OR3A2: variants seen among roughly 807,000 people sequenced by gnomAD.
OR3A2 encodes olfactory receptor family 3 subfamily A member 2, also known as olfactory receptor 3A2.
For synonymous variants in OR3A2, 126 were observed against 159.3 expected, an observed-to-expected ratio of 0.79 and a Z score of 1.57; for missense variants, 318 against 392.8, an observed-to-expected ratio of 0.81 and a Z score of 1.61.
chr17:3,280,417 G>A (rs549053161), intron 1 of OR3A2, among the ~76,000 whole-genome samples: 44 of 151,900 alleles, frequency 2.9e-4, no homozygotes, highest in Non-Finnish European at 4.9e-4. Flanking sequence ...GACTACAGGC[G>A]CCCACCACCA....
intron 2 of OR3A2, among the ~76,000 whole-genome samples, chr17:3,378,620 G>A (rs1359330521): frequency 2.6e-5 from 4 of 152,104 alleles, no homozygotes; most frequent in East Asian, 3.9e-4. Context: ...CACCGAGCAC[G>A]CAGCCCTGGC....
At chr17:3,340,437 A>G (rs2049307367) in intron 2 of OR3A2, among the ~76,000 whole-genome samples, 1 of 152,112 alleles carries the variant, frequency 6.6e-6, no homozygotes, top group Non-Finnish European at 1.5e-5. Flanking sequence ...ACACTGCTTT[A>G]AATGTGTCCC....
In OR3A2 at chr17:3,373,691, C is replaced by T. The variant is rs1183284730; in HGVS notation, c.-179+10113G>A. The stretch of plus-strand genomic sequence containing the variant: ...CCTTAAGTTTCCATGAGTCCTTATG[C>T]GTTAGGTGAGCCTCTTGAAGACAGA... On this transcript the variant is annotated intron_variant, in intron 2 of 4. Coordinates refer to the OR3A2 transcript ENST00000573491. 2.6e-5 allele frequency among the ~76,000 whole-genome samples: 4 copies of T among 151,998 alleles called. No homozygotes were observed. In the South Asian group the frequency reaches 6.2e-4, roughly 24 times the overall value.
chr17:3,379,436 A>G (rs2049714668), intron 2 of OR3A2, among the ~76,000 whole-genome samples: 1 of 152,128 alleles, frequency 6.6e-6, no homozygotes, highest in Admixed American at 6.5e-5. Flanking sequence ...GAGAGCGCCA[A>G]CCCTGAAGTC....
intron 2 of OR3A2, chr17:3,377,493 G>A (rs1199938831): frequency 6.6e-6 from 1 of 152,170 alleles, no homozygotes; most frequent in Non-Finnish European, 1.5e-5. Context: ...ACTGTAAGTG[G>A]AAGAGACCAT....
chr17:3,331,716 G>T (rs1452607104), intron 3 of OR3A2, among the ~76,000 whole-genome samples: 1 of 151,826 alleles, frequency 6.6e-6, no homozygotes. Flanking sequence ...CTCTCAGCTC[G>T]TCAAAGTCAT....
chr17:3,350,826 T>G (rs777005082), intron 2 of OR3A2, among the ~76,000 whole-genome samples: 19,637 of 145,900 alleles, frequency 0.13, 1,602 homozygotes, highest in African/African-American at 0.23. Flanking sequence ...ATCAAAAAGC[T>G]TATCCACCAT....
rs557025875 is a variant in OR3A2, at chr17:3,375,230, CTTT to C, written c.-179+8571_-179+8573del. Reference sequence around the variant, plus strand: ...GAGAGATTTCTTCCTTTTTTTTTTTCTTTTTTTTTTTTTTTCCCCCCCTTTTTG... The same window carrying C: ...GAGAGATTTCTTCCTTTTTTTTTTTCTTTTTTTTTTTTCCCCCCCTTTTTG... On this transcript the variant is annotated intron_variant, in intron 2 of 4. Transcript: ENST00000573491. Among the ~76,000 whole-genome samples the C allele has an allele frequency of 1.5e-3, 14 of 9,356 alleles. No homozygotes were observed. The East Asian group carries it at 0.02, about 13-fold the overall frequency. The allele number at this position is 9,356 out of a possible 152,430, so 6.1% of individuals were successfully genotyped here.
chr17:3,354,226 C>G (rs960747541), intron 2 of OR3A2, among the ~76,000 whole-genome samples: 9 of 151,404 alleles, frequency 5.9e-5, no homozygotes, highest in Admixed American at 5.9e-4. Context: ...TCCTCCTCCT[C>G]TATTTTTTGG....
intron 2 of OR3A2, among the ~76,000 whole-genome samples, chr17:3,341,991 C>T (rs1240522739): frequency 6.6e-6 from 1 of 152,174 alleles, no homozygotes; most frequent in African/African-American, 2.4e-5. Flanking sequence ...CTAAACTTCT[C>T]TTCTTGCTTT....
chr17:3,343,804 C>T (rs912729026), intron 2 of OR3A2, among the ~76,000 whole-genome samples: 1 of 152,070 alleles, frequency 6.6e-6, no homozygotes, highest in African/African-American at 2.4e-5. Context: ...CAGCCTCCAC[C>T]CCTCCCTGAC....
At chr17:3,318,560 T>C (rs1467390259) in intron 3 of OR3A2, among the ~76,000 whole-genome samples, 1 of 152,190 alleles carries the variant, frequency 6.6e-6, no homozygotes, top group Non-Finnish European at 1.5e-5. Flanking sequence ...TCCTTGTTCT[T>C]CCACTGTTCT....
At chr17:3,280,433 G>C (rs1162634621) in intron 1 of OR3A2, among the ~76,000 whole-genome samples, 2 of 151,466 alleles carry the variant, frequency 1.3e-5, no homozygotes, top group South Asian at 4.2e-4. Context: ...CACCACGCCC[G>C]GCTAATTTTT....
At position 3,385,385 on chromosome 17, in the gene OR3A2, T is replaced by C. The variant is rs79112157; in HGVS notation, c.-275+740A>G. Among the ~76,000 whole-genome samples the C allele has an allele frequency of 8.9e-3, 1,361 of 152,220 alleles. 22 individuals carry two copies. The highest frequency in any genetic ancestry group is 0.031 in the African/African-American group (1,272 of 41,530). Reference sequence around the variant, plus strand: ...GATGATTAAGTAAATAGATGTTAGATAGATTACACAGATGATACACAGATC... The same window carrying C: ...GATGATTAAGTAAATAGATGTTAGACAGATTACACAGATGATACACAGATC... On this transcript the variant is annotated intron_variant, in intron 1 of 4. Transcript: ENST00000573491.
intron 3 of OR3A2, chr17:3,310,733 G>A (rs113175375): frequency 4.0e-5 from 22 of 548,998 alleles, no homozygotes; most frequent in Middle Eastern, 3.1e-4. Context: ...GCATGAGCTG[G>A]GGAATCCAGC....
At chr17:3,280,909 G>A (rs1042949480) in intron 1 of OR3A2, among the ~76,000 whole-genome samples, 8 of 152,176 alleles carry the variant, frequency 5.3e-5, no homozygotes, top group Non-Finnish European at 2.9e-5. Context: ...TTGGTGGCAC[G>A]GTCTTAACTG....
intron 2 of OR3A2, among the ~76,000 whole-genome samples, chr17:3,365,700 T>C (rs1234031899): frequency 2.6e-5 from 4 of 152,158 alleles, no homozygotes; most frequent in African/African-American, 9.7e-5. Flanking sequence ...AGGAGTTGCA[T>C]GGGGTCCTAG....
chr17:3,293,840 G>T (rs1472558330), intron 3 of OR3A2, among the ~76,000 whole-genome samples: 1 of 152,154 alleles, frequency 6.6e-6, no homozygotes, highest in Non-Finnish European at 1.5e-5. Flanking sequence ...ATTATCCTCA[G>T]CAAACTAATG....
At chr17:3,371,960 A>G (rs1358692456) in intron 2 of OR3A2, among the ~76,000 whole-genome samples, 3 of 144,082 alleles carry the variant, frequency 2.1e-5, no homozygotes, top group Non-Finnish European at 3.0e-5. Context: ...GGTGGCTGCC[A>G]GGCGGAGACG....
Sources: allele counts gnomAD v4.1 joint callset (sites outside exome capture counted in the v4.1 genomes callset), GRCh38; gene constraint gnomAD v4.1.1; transcripts MANE v1.5; gene names NCBI Gene and HGNC (gene_info 2026-07-23, HGNC 2026-07-21).